Variants in LAMA1 observed in about 807,000 individuals in gnomAD.
LAMA1 encodes laminin subunit alpha 1, also known as laminin subunit alpha-1.
Under a neutral mutation model 348.7 loss-of-function variants are expected in LAMA1, and 219 were observed. The observed-to-expected ratio is 0.63, with a 90% CI of 0.56 to 0.70. The LOEUF is 0.70. Among genes scored for constraint, LAMA1 ranks in the 30% least tolerant of loss-of-function variants. LAMA1 has a pLI of 0.00. For missense variants in LAMA1, 3,744 were observed against 3,888.0 expected (o/e 0.96, Z 0.99); for synonymous variants, 1,487 against 1,491.0 (o/e 1.00, Z 0.06).
chr18:7,039,426 C>T (rs1358772736), intron 10 of LAMA1, among the ~76,000 whole-genome samples: 4 of 152,298 alleles, frequency 2.6e-5, no homozygotes, highest in Non-Finnish European at 4.4e-5. Flanking sequence ...CCCTCACTGG[C>T]ACCATATTAA....
In LAMA1 at chr18:7,043,336, A is replaced by G. The variant is rs9950267; in HGVS notation, c.1046T>C (p.Leu349Ser). ...TCCTCTGAACTGTCCAGCAGTATTC[A>G]AACTTTTCTTCTGCTTTGCAACACT... ...DESVAKQKKSLNTAGQFRGGG... is the reference protein window; with the variant it reads ...DESVAKQKKSSNTAGQFRGGG... Residue 349 changes from leucine to serine, a missense_variant, in exon 8 of 63, where the codon TTG becomes TCG. Around this residue, in one of 3 missense-constraint regions of LAMA1, gnomAD observed 1,529 missense variants for 1,689.4 expected, o/e 0.91. Transcript: ENST00000389658. 0.01 allele frequency: 16,933 copies of G among 1,614,050 alleles called. 1,485 individuals carry two copies. In the African/African-American group the frequency reaches 0.19, roughly 18 times the overall value.
chr18:7,065,911 C>G (rs1033676309), intron 3 of LAMA1, among the ~76,000 whole-genome samples: 1 of 152,168 alleles, frequency 6.6e-6, no homozygotes, highest in African/African-American at 2.4e-5. Context: ...CGAGTCAGTG[C>G]TTTCTAAGTG....
intron 3 of LAMA1, among the ~76,000 whole-genome samples, chr18:7,067,945 CT>C (rs1352215550): frequency 6.6e-6 from 1 of 152,092 alleles, no homozygotes. Flanking sequence ...ACTCTGCCCC[CT>C]GGGTTCAAGC....
chr18:7,112,063 TA>T (rs1284619212), intron 1 of LAMA1, among the ~76,000 whole-genome samples: 2 of 148,898 alleles, frequency 1.3e-5, no homozygotes, highest in African/African-American at 5.2e-5. Flanking sequence ...CTTAAAATTC[TA>T]AAATATATTT....
In LAMA1 at chr18:7,023,398, G is replaced by C. The variant is rs1183025799; in HGVS notation, c.2490-23C>G. On this transcript the variant is annotated intron_variant, in intron 18 of 62. Transcript: ENST00000389658. The stretch of plus-strand genomic sequence containing the variant: ...CATCTGTATCAAAGATTGAAAGTGG[G>C]ATCAGACAAATGCAGTTACTTAAGG... The C allele has an allele frequency of 1.9e-6, 3 of 1,603,532 alleles. No homozygotes were observed. In the East Asian group the frequency reaches 6.7e-5, roughly 36 times the overall value.
chr18:7,060,038 T>C (rs754153860), intron 3 of LAMA1, among the ~76,000 whole-genome samples: 2 of 152,248 alleles, frequency 1.3e-5, no homozygotes, highest in Non-Finnish European at 2.9e-5. Context: ...AATGCAGATA[T>C]GGCTCACTTC....
At chr18:7,043,464 A>T in intron 7 of LAMA1, 59 bp from the exon 8 acceptor site, 1 of 1,354,158 alleles carries the variant, frequency 7.4e-7, no homozygotes, top group Non-Finnish European at 1.0e-6. Context: ...TACAAAGAAA[A>T]CTCTTAACCT....
chr18:7,050,763 G>A lies in LAMA1; in HGVS notation c.519C>T (p.Thr173=), dbSNP rs1483075851. Residue 173 remains threonine, a synonymous_variant, in exon 4 of 63, where the codon ACC becomes ACT. Transcript: ENST00000389658. ...YNITPRRGPP[T]YRADDEVICT... ...AGATCACTTCATCATCAGCCCTGTA[G>A]GTGGGTGGCCCTCGTCTTGGAGTTA... 6.2e-7 allele frequency: 1 copy of A among 1,614,086 alleles called. No homozygotes were observed. The highest frequency in any genetic ancestry group is 2.2e-5 in the East Asian group (1 of 44,898).
chr18:7,014,197 T>G (rs551605378), intron 22 of LAMA1, 146 bp from the exon 23 acceptor site: 1 of 749,454 alleles, frequency 1.3e-6, no homozygotes, highest in Non-Finnish European at 2.3e-6. Context: ...TGGATTCACG[T>G]TGCCATGTGC....
chr18:6,951,093 T>G, intron 57 of LAMA1, 122 bp from the exon 58 acceptor site: 1 of 826,944 alleles, frequency 1.2e-6, no homozygotes, highest in Non-Finnish European at 2.0e-6. Context: ...GAGAGGGGTA[T>G]TCATTCCTTC....
In LAMA1 at chr18:7,040,149, G is replaced by A; in HGVS notation, c.1349C>T (p.Thr450Ile). The A allele has an allele frequency of 6.2e-7, 1 of 1,614,080 alleles. No homozygotes were observed. Among genetic ancestry groups the A allele is most frequent in the Non-Finnish European group, 8.5e-7 (1 of 1,180,008 alleles). The change falls in exon 10 of 63, where the codon ACC (threonine) becomes ATC (isoleucine). Residue 450 changes from threonine (T) to isoleucine (I), a missense_variant. Physicochemically the swap from Thr to Ile is moderately conservative, Grantham distance 89. Transcript: ENST00000389658. ...TGGGTTGCACCCACAGGAGACACAG[G>A]TCGGGTAATCCTTATAGCCAAGTTG... ...RCQLGYKDYP[T>I]CVSCGCNPVG... is the part of the protein sequence containing the mutation.
intron 29 of LAMA1, among the ~76,000 whole-genome samples, chr18:7,005,442 G>A (rs778541232): frequency 1.4e-4 from 22 of 152,210 alleles, no homozygotes; most frequent in Non-Finnish European, 2.4e-4. Context: ...GGCTGCTATA[G>A]TTCAGACTTA....
intron 9 of LAMA1, among the ~76,000 whole-genome samples, chr18:7,041,446 T>G (rs2144182971): frequency 6.6e-6 from 1 of 152,298 alleles, no homozygotes; most frequent in East Asian, 1.9e-4. Context: ...AGTTGGGTAA[T>G]TTACCCTCCC....
chr18:6,993,555 T>C (rs757662856), intron 35 of LAMA1, 86 bp downstream of exon 35: 60 of 989,596 alleles, frequency 6.1e-5, no homozygotes, highest in Non-Finnish European at 8.7e-5. Context: ...GCAAGAGATA[T>C]ACATCTATTC....
chr18:7,059,081 G>C (rs192755743), intron 3 of LAMA1, among the ~76,000 whole-genome samples: 23 of 152,210 alleles, frequency 1.5e-4, no homozygotes, highest in African/African-American at 4.1e-4. Flanking sequence ...GTAGAGACGA[G>C]GTTTCACCAC....
chr18:6,988,617 T>C (rs913416673), intron 36 of LAMA1, among the ~76,000 whole-genome samples: 2 of 152,024 alleles, frequency 1.3e-5, no homozygotes, highest in African/African-American at 2.4e-5. Context: ...CTGGCCAACA[T>C]GGTGAAACCC....
rs751200271 is a variant in LAMA1 at position 6,958,591 on chromosome 18, G to A, written c.7850C>T (p.Thr2617Met). ...GACGTACAGATTGGACACATTTATC[G>A]TCCTGCTTTCTACTAATGTGCCCAA... is the stretch of plus-strand genomic sequence containing the variant. ...MKLGTLVESR[T>M]INVSNLYVGG... The change falls in exon 55 of 63, where the codon ACG (threonine) becomes ATG (methionine). Residue 2617 changes from threonine to methionine, a missense_variant. Transcript: ENST00000389658. 17 of 1,614,000 alleles carry A rather than the reference G, an allele frequency of 1.1e-5. No homozygotes were observed. Among genetic ancestry groups the A allele is most frequent in the Middle Eastern group, 1.6e-4 (1 of 6,084 alleles).
In LAMA1 at chr18:7,010,215, T is replaced by A. The variant is rs925641491; in HGVS notation, c.3858A>T (p.Glu1286Asp). 1 of 1,614,080 alleles carries A rather than the reference T, an allele frequency of 6.2e-7. No homozygotes were observed. The highest frequency in any genetic ancestry group is 1.3e-5 in the African/African-American group (1 of 74,932). The change falls in exon 26 of 63, where the codon GAA (glutamate) becomes GAT (aspartate). Residue 1286 changes from glutamate (E) to aspartate (D), a missense_variant. Physicochemically the swap from Glu to Asp is conservative, Grantham distance 45 (BLOSUM62 2). Coordinates refer to ENST00000389658, the MANE Select transcript of LAMA1 (RefSeq NM_005559.4). The stretch of plus-strand genomic sequence containing the variant: ...CCATTATCACCTCTCTCATTGCTAC[T>A]TCTTGTTCCTGTCTCACTCCATTCT... ...APENGVRQEQ[E>D]VAMRENFWKY...
At chr18:7,016,821 ACT>A in intron 20 of LAMA1, 150 bp from the exon 21 acceptor site, 1 of 752,142 alleles carries the variant, frequency 1.3e-6, no homozygotes, top group South Asian at 1.8e-5. Flanking sequence ...GCAAACATCC[ACT>A]CTCTAGACAG....
Sources: allele counts gnomAD v4.1 joint callset (sites outside exome capture counted in the v4.1 genomes callset), GRCh38; gene constraint gnomAD v4.1.1; regional missense constraint gnomAD v4.1.1; transcripts MANE v1.5; gene names NCBI Gene and HGNC (gene_info 2026-07-23, HGNC 2026-07-21).